Variants in RABL6 observed in about 807,000 individuals in gnomAD.
RABL6 encodes the protein rab-like protein 6.
In RABL6, 28 loss-of-function variants were observed where a neutral mutation model predicts 72.9. The ratio of observed to expected loss-of-function variants is 0.38; its 90% CI spans 0.28 to 0.53. The LOEUF (loss-of-function observed/expected upper bound fraction) is 0.53, where lower values mean the gene tolerates loss of function less well. Ranked by LOEUF, RABL6 falls within the 20% of genes least tolerant of loss-of-function variation. The pLI, the probability that RABL6 is intolerant of heterozygous loss-of-function variation, is 0.80. For missense variants in RABL6, 1,029 were observed against 1,008.4 expected (o/e 1.02, Z -0.28); for synonymous variants, 477 against 421.2 (o/e 1.13, Z -1.62).
chr9:136,841,043 T>C lies in RABL6; in HGVS notation c.*521T>C, dbSNP rs1260148419. 1.4e-6 allele frequency: 2 copies of C among 1,426,442 alleles called. No homozygotes were observed. Among genetic ancestry groups the C allele is most frequent in the Non-Finnish European group, 1.8e-6 (2 of 1,089,586 alleles). 88.4% of individuals were successfully genotyped at this position (1,426,442 alleles called of 1,614,324 possible). A position where few individuals can be genotyped will look rare whatever the true frequency, so the allele number is the denominator to read the frequency against. Reference sequence around the variant, plus strand: ...AAGGCTGGCGAGACCGAAGGCAGCATGTGAGGCCTCTCCTGGGAGTGGGGG... The same window carrying C: ...AAGGCTGGCGAGACCGAAGGCAGCACGTGAGGCCTCTCCTGGGAGTGGGGG... On this transcript the variant is annotated 3_prime_UTR_variant, in exon 15 of 15. Coordinates refer to ENST00000311502, the MANE Select transcript of RABL6 (RefSeq NM_024718.5).
In RABL6 at chr9:136,837,455, G is replaced by T. The variant is rs776893234; in HGVS notation, c.919G>T (p.Val307Leu). ...SQSPVVPAGA[V>L]STGSSSPGTP... ...GTCACCAGTGGTGCCTGCAGGCGCT[G>T]TGTCCACGGGGAGCTCCAGCCCCGG... Residue 307 changes from valine (V) to leucine (L), a missense_variant, in exon 9 of 15, where the codon GTG becomes TTG. Val to Leu is a conservative substitution (Grantham distance 32). This residue lies in a region of RABL6 where 434 missense variants were observed against 536.1 expected (regional missense o/e 0.81). Transcript: ENST00000311502. 2.6e-6 allele frequency: 4 copies of T among 1,563,144 alleles called. No individual in the cohort carries two copies. The highest frequency in any genetic ancestry group is 3.5e-6 in the Non-Finnish European group (4 of 1,156,852).
In RABL6 at chr9:136,840,542, G is replaced by GGCGTGGGCAGTGGCCT; in HGVS notation, c.*20_*21insGCGTGGGCAGTGGCCT. The GGCGTGGGCAGTGGCCT allele has an allele frequency of 6.5e-7, 1 of 1,543,970 alleles. No homozygotes were observed. Among genetic ancestry groups the GGCGTGGGCAGTGGCCT allele is most frequent in the Non-Finnish European group, 8.7e-7 (1 of 1,144,858 alleles). ...CTCTAGGCCGGCGTGGGCAGTGGCC[G>GGCGTGGGCAGTGGCCT]CCCTGGGGCGGGGGGCGTGCCTGTC... On this transcript the variant is annotated 3_prime_UTR_variant, in exon 15 of 15. Coordinates refer to ENST00000311502, the MANE Select transcript of RABL6 (RefSeq NM_024718.5).
rs887750566 is a variant in RABL6 at position 136,826,514 on chromosome 9, G to C, written c.313+688G>C. 1 of 152,492 alleles carries C rather than the reference G, an allele frequency of 6.6e-6. No homozygotes were observed. Among genetic ancestry groups the C allele is most frequent in the Non-Finnish European group, 1.5e-5 (1 of 68,316 alleles). The allele number at this position is 152,492 out of a possible 1,614,324, so 9.4% of individuals were successfully genotyped here. The stretch of plus-strand genomic sequence containing the variant: ...CGCCTCTGTGTGATGGTGTCTGTTC[G>C]GATGGCGCATGCTCCCCTCCCTCCA... On this transcript the variant is annotated intron_variant, in intron 3 of 14. Transcript: ENST00000311502. This position sits in a 1 kb window ranked among gnomAD's most constrained non-coding sequence, Gnocchi z 4.9.
intron 1 of RABL6, among the ~76,000 whole-genome samples, chr9:136,812,543 A>G (rs2131156093): frequency 6.6e-6 from 1 of 152,168 alleles, no homozygotes. Flanking sequence ...TGGGCGACAG[A>G]GTGAGACTTC....
Position 136,840,591 on chromosome 9 carries a change from CTG to C in RABL6, c.*71_*72del. Reference sequence around the variant, plus strand: ...TCACTGCCTGGGGAGGCATTTGCCTCTGTACCATCGCCTTTGCCGCTGCCCCG... The same window carrying C: ...TCACTGCCTGGGGAGGCATTTGCCTCTACCATCGCCTTTGCCGCTGCCCCG... On this transcript the variant is annotated 3_prime_UTR_variant, in exon 15 of 15. Coordinates refer to ENST00000311502, the MANE Select transcript of RABL6 (RefSeq NM_024718.5). The C allele has an allele frequency of 2.6e-6, 4 of 1,549,390 alleles. No homozygotes were observed. Among genetic ancestry groups the C allele is most frequent in the Non-Finnish European group, 3.5e-6 (4 of 1,146,828 alleles).
chr9:136,834,061 CT>C (rs752906748), intron 7 of RABL6: 139 of 1,440,142 alleles, frequency 9.7e-5, no homozygotes, highest in Non-Finnish European at 1.2e-4. Context: ...TGTGACTATC[CT>C]TTTGCTATGG....
intron 4 of RABL6, 138 bp from the exon 5 acceptor site, chr9:136,829,255 C>G (rs1237142670): frequency 8.5e-6 from 6 of 706,066 alleles, no homozygotes; most frequent in Non-Finnish European, 2.5e-6. Context: ...TATCCCATCT[C>G]TTCAGCATAT....
At position 136,840,774 on chromosome 9, in the gene RABL6, C is replaced by T. The variant is rs1482412702; in HGVS notation, c.*252C>T. The T allele has an allele frequency of 1.0e-5, 16 of 1,547,940 alleles. No individual in the cohort carries two copies. The East Asian group carries it at 1.7e-4, about 17-fold the overall frequency. On this transcript the variant is annotated 3_prime_UTR_variant, in exon 15 of 15. Coordinates refer to ENST00000311502, the MANE Select transcript of RABL6 (RefSeq NM_024718.5). ...AGCCAGGCTCGGTGGACACCCTGGC[C>T]CTCTCGGGGCAGAGCCGCCAGTGTT...
At position 136,835,737 on chromosome 9, in the gene RABL6, T is replaced by C. The variant is rs1240081147; in HGVS notation, c.706-5T>C. On this transcript the variant is annotated splice_region_variant and splice_polypyrimidine_tract_variant and intron_variant, in intron 7 of 14. Coordinates refer to ENST00000311502, the MANE Select transcript of RABL6 (RefSeq NM_024718.5). Reference sequence around the variant, plus strand: ...TGCTCAGGCCTGCGTGCTCCCTTTCTGCAGAGGGAGACGCTGTTGCGGCAG... The same window carrying C: ...TGCTCAGGCCTGCGTGCTCCCTTTCCGCAGAGGGAGACGCTGTTGCGGCAG... The C allele has an allele frequency of 6.5e-7, 1 of 1,548,476 alleles. No individual in the cohort carries two copies. Among genetic ancestry groups the C allele is most frequent in the South Asian group, 1.2e-5 (1 of 83,962 alleles).
At chr9:136,834,641 G>C (rs1766172306) in intron 7 of RABL6, among the ~76,000 whole-genome samples, 1 of 152,108 alleles carries the variant, frequency 6.6e-6, no homozygotes, top group South Asian at 2.1e-4. Flanking sequence ...ACCACGCCTG[G>C]CTAATTTTTG....
chr9:136,839,465 A>T lies in RABL6; in HGVS notation c.1737A>T (p.Gly579=), dbSNP rs1291444094. ...VMDDPDFESE[G]SDTQRRADDF... is the part of the protein sequence containing the mutation. ...ATGACCCCGACTTTGAGAGCGAGGG[A>T]TCAGACACACAGCGCAGGGCGGTAA... The change falls in exon 12 of 15, where the codon GGA becomes GGT. Residue 579 remains glycine (G), a synonymous_variant. Transcript: ENST00000311502. The T allele has an allele frequency of 6.2e-7, 1 of 1,612,412 alleles. No homozygotes were observed. The highest frequency in any genetic ancestry group is 1.3e-5 in the African/African-American group (1 of 75,026).
chr9:136,821,360 C>T (rs1191555378), intron 1 of RABL6: 4 of 985,316 alleles, frequency 4.1e-6, no homozygotes, highest in Non-Finnish European at 4.8e-6. Context: ...ACGGGACCAC[C>T]GCATGTGGAA....
chr9:136,839,931 G>A, intron 13 of RABL6, 66 bp downstream of exon 13: 2 of 1,550,346 alleles, frequency 1.3e-6, no homozygotes, highest in Non-Finnish European at 1.7e-6. Flanking sequence ...CCTCCTCCCA[G>A]CTGCTGGCCG....
intron 2 of RABL6, among the ~76,000 whole-genome samples, chr9:136,824,199 A>G (rs1216303162): frequency 6.6e-6 from 1 of 151,980 alleles, no homozygotes; most frequent in Non-Finnish European, 1.5e-5. Context: ...GGGGGAGGTG[A>G]CAGCTGTGGC....
rs140402310 is a variant in RABL6, at chr9:136,828,872, C to T, written c.366+326C>T. Among the ~76,000 whole-genome samples, 686 of 152,302 alleles carry T rather than the reference C, an allele frequency of 4.5e-3. 4 individuals are homozygous for T. Among genetic ancestry groups the T allele is most frequent in the African/African-American group, 0.016 (647 of 41,568 alleles). ...TCAAAGCACAGGACACATCTCGCAG[C>T]GCCATGGGCGTGAGTTTCGCTCACC... is the stretch of plus-strand genomic sequence containing the variant. On this transcript the variant is annotated intron_variant, in intron 4 of 14. Transcript: ENST00000311502.
chr9:136,836,683 G>A (rs751283369), intron 8 of RABL6: 19 of 158,804 alleles, frequency 1.2e-4, no homozygotes, highest in South Asian at 1.8e-4. Context: ...TGCGATGGCC[G>A]CACGTGCTCC....
chr9:136,837,820 T>C, intron 9 of RABL6, 42 bp from the exon 10 acceptor site: 1 of 1,544,014 alleles, frequency 6.5e-7, no homozygotes. Context: ...GCAGTGAGGG[T>C]TCTGGTGCCG....
chr9:136,831,708 C>T lies in RABL6; in HGVS notation c.459-13C>T. 6.2e-7 allele frequency: 1 copy of T among 1,612,978 alleles called. No homozygotes were observed. The highest frequency in any genetic ancestry group is 8.5e-7 in the Non-Finnish European group (1 of 1,179,764). On this transcript the variant is annotated splice_polypyrimidine_tract_variant and intron_variant, in intron 5 of 14. Coordinates refer to ENST00000311502, the MANE Select transcript of RABL6 (RefSeq NM_024718.5). ...GGGCTGAAACTAAGCCAGGTCCTCA[C>T]CTGTTCTCCGAGGACCTTCAATTAC...
chr9:136,816,444 G>A (rs1463506872), intron 1 of RABL6, among the ~76,000 whole-genome samples: 1 of 151,992 alleles, frequency 6.6e-6, no homozygotes, highest in African/African-American at 2.4e-5. Context: ...GTTGGGCATG[G>A]TGCCTCACTC....
Sources: allele counts gnomAD v4.1 joint callset (sites outside exome capture counted in the v4.1 genomes callset), GRCh38; gene constraint gnomAD v4.1.1; regional missense constraint gnomAD v4.1.1; non-coding constraint Gnocchi (gnomAD v3.1); transcripts MANE v1.5; gene names NCBI Gene and HGNC (gene_info 2026-07-23, HGNC 2026-07-21).